Variants in EPB41L4A observed in about 807,000 individuals in gnomAD.
EPB41L4A encodes the protein band 4.1-like protein 4A.
Under a neutral mutation model 108.6 loss-of-function variants are expected in EPB41L4A, and 100 were observed. The ratio of observed to expected loss-of-function variants is 0.92; its 90% CI spans 0.78 to 1.09. The LOEUF is 1.09. Among genes scored for constraint, EPB41L4A ranks in the 50% least tolerant of loss-of-function variants. The pLI, the probability that EPB41L4A is intolerant of heterozygous loss-of-function variation, is 0.00. For synonymous variants in EPB41L4A, 319 were observed against 289.0 expected, an observed-to-expected ratio of 1.10 and a Z score of -1.05; for missense variants, 1,030 against 842.7, an observed-to-expected ratio of 1.22 and a Z score of -2.75.
At chr5:112,235,582 C>T (rs1405995262) in intron 11 of EPB41L4A, among the ~76,000 whole-genome samples, 1 of 152,122 alleles carries the variant, frequency 6.6e-6, no homozygotes, top group African/African-American at 2.4e-5. Context: ...CTTTTAATGG[C>T]CCCAAATCCT....
chr5:112,253,382 G>A lies in EPB41L4A; in HGVS notation c.795+5847C>T, dbSNP rs374124681. 2.6e-5 allele frequency among the ~76,000 whole-genome samples: 4 copies of A among 151,996 alleles called. No individual in the cohort carries two copies. The East Asian group carries it at 5.8e-4, about 22-fold the overall frequency. On this transcript the variant is annotated intron_variant, in intron 9 of 22. Transcript: ENST00000261486. ...GAAACTCTCTGTTTTAAAACAGTGG[G>A]GTATAACTGTATTCTTTTAAAATGT...
chr5:112,215,615 T>C (rs1283639901), intron 12 of EPB41L4A, among the ~76,000 whole-genome samples: 1 of 151,804 alleles, frequency 6.6e-6, no homozygotes, highest in African/African-American at 2.4e-5. Context: ...TACAAAAAAT[T>C]AGCCAGGCGT....
At chr5:112,339,455 G>T (rs907462469) in intron 1 of EPB41L4A, among the ~76,000 whole-genome samples, 4 of 135,584 alleles carry the variant, frequency 3.0e-5, no homozygotes, top group South Asian at 2.3e-4. Flanking sequence ...GAGATATATA[G>T]CTATAGATAT....
At chr5:112,353,733 G>A (rs961465650) in intron 1 of EPB41L4A, among the ~76,000 whole-genome samples, 4 of 152,282 alleles carry the variant, frequency 2.6e-5, no homozygotes, top group African/African-American at 7.2e-5. Context: ...TGTGGTGGGT[G>A]GAGTGGGGAA....
At chr5:112,145,791 C>A (rs1759229108) in intron 13 of EPB41L4A, 1 of 324,042 alleles carries the variant, frequency 3.1e-6, no homozygotes, top group South Asian at 2.5e-5. Context: ...AAGAAAAAGG[C>A]CAAGAACAAC....
At chr5:112,394,771 C>A (rs1368301816) in intron 1 of EPB41L4A, among the ~76,000 whole-genome samples, 6 of 152,142 alleles carry the variant, frequency 3.9e-5, no homozygotes. Context: ...AAAAAAGAGC[C>A]CACATTGCCA....
At chr5:112,166,245 G>C (rs530810468) in intron 22 of EPB41L4A, among the ~76,000 whole-genome samples, 2 of 152,366 alleles carry the variant, frequency 1.3e-5, no homozygotes, top group East Asian at 1.9e-4. Context: ...GTGGAAATTA[G>C]AACTTAAAGT....
At chr5:112,171,769 A>G (rs1245085176) in intron 18 of EPB41L4A, among the ~76,000 whole-genome samples, 1 of 152,240 alleles carries the variant, frequency 6.6e-6, no homozygotes, top group East Asian at 1.9e-4. Context: ...AATTGTTGAC[A>G]CAGAATGATT....
chr5:112,350,900 CT>C lies in EPB41L4A; in HGVS notation c.100-43411del, dbSNP rs558578780. The stretch of plus-strand genomic sequence containing the variant: ...GTGGACACTTAGGATGATTCTCTAT[CT>C]TTGCTATTGTGACTAATTCAGCGCT... On this transcript the variant is annotated intron_variant, in intron 1 of 22. Coordinates refer to ENST00000261486, the MANE Select transcript of EPB41L4A (RefSeq NM_022140.5). Among the ~76,000 whole-genome samples, 152 of 152,322 alleles carry C rather than the reference CT, an allele frequency of 1.0e-3. 2 individuals carry two copies. The East Asian group carries it at 0.027, about 27-fold the overall frequency.
chr5:112,189,531 T>G (rs981339977), intron 17 of EPB41L4A, among the ~76,000 whole-genome samples: 1 of 152,192 alleles, frequency 6.6e-6, no homozygotes, highest in Non-Finnish European at 1.5e-5. Flanking sequence ...ATGTTTATGA[T>G]GCAAACATCC....
At chr5:112,261,885 A>T (rs1283545412) in intron 7 of EPB41L4A, among the ~76,000 whole-genome samples, 50 of 112,444 alleles carry the variant, frequency 4.4e-4, no homozygotes, top group Admixed American at 3.9e-3. Context: ...TTACACACCA[A>T]TTTTTTTTTT....
intron 1 of EPB41L4A, among the ~76,000 whole-genome samples, chr5:112,320,024 G>C (rs1377046899): frequency 6.6e-6 from 1 of 152,238 alleles, no homozygotes; most frequent in Non-Finnish European, 1.5e-5. Context: ...AGGATCTAAA[G>C]AGTTGTTTGT....
At chr5:112,414,017 T>C (rs559549259) in intron 1 of EPB41L4A, among the ~76,000 whole-genome samples, 1 of 152,338 alleles carries the variant, frequency 6.6e-6, no homozygotes, top group South Asian at 2.1e-4. Context: ...AGGTGAATAC[T>C]GTACATCATT....
At chr5:112,274,258 T>C (rs1297560778) in intron 4 of EPB41L4A, among the ~76,000 whole-genome samples, 1 of 152,126 alleles carries the variant, frequency 6.6e-6, no homozygotes, top group Non-Finnish European at 1.5e-5. Context: ...CTAGCCTGTG[T>C]GACAGAGCGA....
At chr5:112,247,580 T>A (rs148227280) in intron 9 of EPB41L4A, among the ~76,000 whole-genome samples, 4 of 152,328 alleles carry the variant, frequency 2.6e-5, no homozygotes, top group South Asian at 4.1e-4. Context: ...AAATGAGGTA[T>A]AATTTAAGTA....
At chr5:112,168,530 T>C (rs372183607) in intron 22 of EPB41L4A, among the ~76,000 whole-genome samples, 3 of 152,220 alleles carry the variant, frequency 2.0e-5, no homozygotes, top group African/African-American at 7.2e-5. Flanking sequence ...CTACCTGTTA[T>C]TCCTAACTCT....
chr5:112,338,941 T>C (rs1472520254), intron 1 of EPB41L4A, among the ~76,000 whole-genome samples: 1 of 152,208 alleles, frequency 6.6e-6, no homozygotes, highest in Non-Finnish European at 1.5e-5. Context: ...TCTCCTGCTG[T>C]GCTCACACTT....
At chr5:112,222,561 G>A (rs1338020696) in intron 12 of EPB41L4A, among the ~76,000 whole-genome samples, 2 of 152,194 alleles carry the variant, frequency 1.3e-5, no homozygotes, top group African/African-American at 2.4e-5. Context: ...ACAGACTTCA[G>A]TTCATAGCTA....
At chr5:112,282,638 T>G (rs1437029420) in intron 2 of EPB41L4A, among the ~76,000 whole-genome samples, 2 of 152,146 alleles carry the variant, frequency 1.3e-5, no homozygotes, top group African/African-American at 4.8e-5. Flanking sequence ...TATGGATGCG[T>G]TATTAGAGGC....
Sources: gnomAD v4.1 joint callset for allele counts (sites outside exome capture counted in the v4.1 genomes callset) on GRCh38, gnomAD v4.1.1 for gene constraint, MANE v1.5 for transcripts, NCBI Gene and HGNC (gene_info 2026-07-23, HGNC 2026-07-21) for gene names.